The following GLRA2 variants were observed in gnomAD, a reference collection of about 807,000 sequenced individuals.
GLRA2 encodes glycine receptor subunit alpha-2.
Under a neutral mutation model 31.6 loss-of-function variants are expected in GLRA2, and 11 were observed. That is an observed-to-expected ratio of 0.35 (90% confidence interval 0.22 to 0.58). The LOEUF (loss-of-function observed/expected upper bound fraction) is 0.58, where lower values mean the gene tolerates loss of function less well. Ranked by LOEUF, GLRA2 falls within the 20% of genes least tolerant of loss-of-function variation. GLRA2 has a pLI of 0.84. For synonymous variants in GLRA2, 132 were observed against 134.0 expected, an observed-to-expected ratio of 0.99 and a Z score of 0.10; for missense variants, 212 against 351.8, an observed-to-expected ratio of 0.60 and a Z score of 3.18.
the GLRA2 span, among the ~76,000 whole-genome samples, chrX:14,510,572 T>C: frequency 9.0e-6 from 1 of 110,558 alleles, no homozygotes; most frequent in Non-Finnish European, 1.9e-5. Context: ...AGAAACAGAA[T>C]AGACTGTAGG....
intron 2 of GLRA2, among the ~76,000 whole-genome samples, chrX:14,532,819 C>T (rs902811554): frequency 5.4e-5 from 6 of 111,510 alleles, no homozygotes; most frequent in Non-Finnish European, 1.1e-4. Flanking sequence ...TACTTTCAGG[C>T]CTCTTTAATT....
intron 8 of GLRA2, among the ~76,000 whole-genome samples, chrX:14,714,452 C>T (rs1340790086): frequency 9.0e-6 from 1 of 111,676 alleles, no homozygotes. Flanking sequence ...GAAAGATCCA[C>T]CATTATGAGA....
chrX:14,679,104 C>A (rs1412989067), intron 7 of GLRA2, among the ~76,000 whole-genome samples: 1 of 109,349 alleles, frequency 9.1e-6, no homozygotes, highest in Non-Finnish European at 1.9e-5. Context: ...ACATACACAC[C>A]ACCACCACCA....
chrX:14,517,464 C>A, the GLRA2 span, among the ~76,000 whole-genome samples: 1 of 111,749 alleles, frequency 8.9e-6, no homozygotes, highest in African/African-American at 3.3e-5. Context: ...GAAGGGGAAG[C>A]AAACATGTCT....
the GLRA2 span, among the ~76,000 whole-genome samples, chrX:14,465,526 A>G: frequency 8.9e-6 from 1 of 112,222 alleles, no homozygotes; most frequent in Non-Finnish European, 1.9e-5. Context: ...ATTCTCTTGC[A>G]TGTTTCTTAA....
At chrX:14,495,738 GTAT>G in the GLRA2 span, among the ~76,000 whole-genome samples, 16 of 109,471 alleles carry the variant, frequency 1.5e-4, 1 homozygote, top group Non-Finnish European at 3.8e-5. Flanking sequence ...ACCTTTGAGT[GTAT>G]TATTATCTGT....
intron 2 of GLRA2, among the ~76,000 whole-genome samples, chrX:14,534,704 A>C (rs1016171389): frequency 9.2e-6 from 1 of 109,026 alleles, no homozygotes. Flanking sequence ...AGGATAAGGA[A>C]ATTAGAACCA....
rs754212472 is a variant in GLRA2, at chrX:14,607,024, C to T, written c.578-107C>T. 675 of 515,044 alleles carry T rather than the reference C, an allele frequency of 1.3e-3. 4 individuals are homozygous for T. Among genetic ancestry groups the T allele is most frequent in the Admixed American group, 3.8e-4 (12 of 31,188 alleles). The allele number at this position is 515,044 out of a possible 1,213,427, so 42.4% of individuals were successfully genotyped here. A position where few individuals can be genotyped will look rare whatever the true frequency, so the allele number is the denominator to read the frequency against. ...TAAGAATGCTCTTGAATTGACTGAG[C>T]GTATGTCTGCTTTAGACAGTTTCTT... On this transcript the variant is annotated intron_variant, in intron 5 of 8. Transcript: ENST00000218075.
chrX:14,568,496 C>T (rs2089835844), intron 2 of GLRA2, among the ~76,000 whole-genome samples: 1 of 109,447 alleles, frequency 9.1e-6, no homozygotes, highest in Non-Finnish European at 1.9e-5. Context: ...AGTTCGAGAC[C>T]AACCTGACCA....
the GLRA2 span, among the ~76,000 whole-genome samples, chrX:14,457,927 G>C: frequency 0.034 from 3,717 of 110,091 alleles, 154 homozygotes; most frequent in African/African-American, 0.12. Context: ...ACAGTGTACA[G>C]GTTTGTTACA....
chrX:14,579,666 C>G (rs1310103768), intron 3 of GLRA2, among the ~76,000 whole-genome samples: 2 of 111,600 alleles, frequency 1.8e-5, no homozygotes, highest in Admixed American at 1.9e-4. Flanking sequence ...TATAAGGTGA[C>G]CTTGGTCTCT....
At chrX:14,646,035 A>G (rs187063338) in intron 7 of GLRA2, among the ~76,000 whole-genome samples, 37 of 112,394 alleles carry the variant, frequency 3.3e-4, no homozygotes, top group African/African-American at 8.7e-4. Flanking sequence ...GGGGAATTAC[A>G]TTATCCTAAG....
the GLRA2 span, among the ~76,000 whole-genome samples, chrX:14,455,067 C>T: frequency 2.7e-5 from 3 of 111,480 alleles, no homozygotes; most frequent in East Asian, 8.5e-4. Context: ...CAGTGATTTG[C>T]CATCCCTGTT....
chrX:14,455,241 A>G, the GLRA2 span, among the ~76,000 whole-genome samples: 1 of 111,859 alleles, frequency 8.9e-6, no homozygotes, highest in Non-Finnish European at 1.9e-5. Flanking sequence ...GGAGAAGATA[A>G]GTTTAGGTTT....
intron 2 of GLRA2, among the ~76,000 whole-genome samples, chrX:14,549,235 G>C (rs776196242): frequency 9.0e-5 from 10 of 111,689 alleles, no homozygotes; most frequent in Non-Finnish European, 1.7e-4. Flanking sequence ...TAGTTTGGGG[G>C]ATAATAAAAG....
chrX:14,621,702 T>C (rs1262055865), intron 7 of GLRA2, among the ~76,000 whole-genome samples: 3 of 112,199 alleles, frequency 2.7e-5, no homozygotes, highest in Non-Finnish European at 5.6e-5. Context: ...CTCATCCTTT[T>C]TTATGGCTGC....
At chrX:14,451,015 TAAAA>T in the GLRA2 span, among the ~76,000 whole-genome samples, 3 of 108,892 alleles carry the variant, frequency 2.8e-5, no homozygotes, top group African/African-American at 1.0e-4. Flanking sequence ...TTAGCACTCT[TAAAA>T]AAAAAATTCC....
chrX:14,559,579 G>A (rs1601711344), intron 2 of GLRA2, among the ~76,000 whole-genome samples: 1 of 107,742 alleles, frequency 9.3e-6, no homozygotes, highest in East Asian at 2.9e-4. Context: ...ACCACGCCTG[G>A]CTAATGTTTG....
At chrX:14,543,459 C>T (rs888059917) in intron 2 of GLRA2, among the ~76,000 whole-genome samples, 1 of 110,894 alleles carries the variant, frequency 9.0e-6, no homozygotes, top group Non-Finnish European at 1.9e-5. Context: ...TAACAGTTGT[C>T]TCTACCTTAT....
Sources: gnomAD v4.1 joint callset for allele counts (sites outside exome capture counted in the v4.1 genomes callset) on GRCh38, gnomAD v4.1.1 for gene constraint, MANE v1.5 for transcripts, NCBI Gene and HGNC (gene_info 2026-07-23, HGNC 2026-07-21) for gene names.